RBFOX1: variants seen among roughly 807,000 people sequenced by gnomAD.
The protein encoded by RBFOX1 is RNA binding fox-1 homolog 1.
In RBFOX1, 8 loss-of-function variants were observed where a neutral mutation model predicts 57.7. The ratio of observed to expected loss-of-function variants is 0.14; its 90% confidence interval spans 0.08 to 0.25. The LOEUF is 0.25. RBFOX1 is among the 10% of genes least tolerant of loss of function. The pLI is 1.00. For missense variants in RBFOX1, 611 were observed against 548.5 expected (o/e 1.11, Z -1.14); for synonymous variants, 326 against 222.4 (o/e 1.47, Z -4.15).
chr16:6,761,865 C>T (rs367852604), intron 3 of RBFOX1, among the ~76,000 whole-genome samples: 1 of 152,018 alleles, frequency 6.6e-6, no homozygotes, highest in Non-Finnish European at 1.5e-5. Context: ...AACTACATCT[C>T]TCATTCCAAG....
At chr16:7,165,250 C>T (rs1444416196) in intron 4 of RBFOX1, among the ~76,000 whole-genome samples, 11 of 151,950 alleles carry the variant, frequency 7.2e-5, no homozygotes, top group South Asian at 2.1e-4. Flanking sequence ...TTGTGCATTG[C>T]TCCAAGATGC....
At chr16:7,234,342 A>G (rs1752364403) in intron 4 of RBFOX1, among the ~76,000 whole-genome samples, 2 of 152,126 alleles carry the variant, frequency 1.3e-5, no homozygotes, top group South Asian at 4.1e-4. Context: ...GTGAGTTGAG[A>G]TGAGGAATCT....
At chr16:7,445,214 G>A (rs1184888836) in intron 4 of RBFOX1, among the ~76,000 whole-genome samples, 1 of 152,090 alleles carries the variant, frequency 6.6e-6, no homozygotes, top group Non-Finnish European at 1.5e-5. Context: ...TAATATTACT[G>A]CTAGTATGAG....
In RBFOX1 at chr16:7,389,974, A is replaced by G. The variant is rs573794609; in HGVS notation, c.28-128173A>G. ...AAGGAAAGAGGTTTAATTGGCTCACAGTTCTGTGGGTTGTACAGGCTCTGC... is the reference window on the plus strand; with the variant it reads ...AAGGAAAGAGGTTTAATTGGCTCACGGTTCTGTGGGTTGTACAGGCTCTGC... On this transcript the variant is annotated intron_variant, in intron 4 of 15. Coordinates refer to ENST00000550418, the MANE Select transcript of RBFOX1 (RefSeq NM_018723.4). 6.6e-5 allele frequency among the ~76,000 whole-genome samples: 10 copies of G among 152,296 alleles called. No individual in the cohort carries two copies. The South Asian group carries it at 1.7e-3, about 25-fold the overall frequency.
intron 2 of RBFOX1, among the ~76,000 whole-genome samples, chr16:5,544,817 G>T (rs1344879125): frequency 1.3e-5 from 2 of 152,058 alleles, no homozygotes; most frequent in East Asian, 3.8e-4. Flanking sequence ...TTCCTTGGAA[G>T]ATATAAACTG....
At chr16:5,382,333 C>G (rs888911901) in intron 1 of RBFOX1, among the ~76,000 whole-genome samples, 4 of 151,838 alleles carry the variant, frequency 2.6e-5, no homozygotes, top group Non-Finnish European at 4.4e-5. Flanking sequence ...ACTATTCGGG[C>G]TGATATTATG....
intron 1 of RBFOX1, among the ~76,000 whole-genome samples, chr16:5,333,576 G>A (rs991851447): frequency 2.0e-5 from 3 of 152,184 alleles, no homozygotes; most frequent in African/African-American, 4.8e-5. Context: ...TACAGGGCCC[G>A]AGCTTCTCTC....
At chr16:6,984,178 C>T (rs954686987) in intron 3 of RBFOX1, among the ~76,000 whole-genome samples, 2 of 152,144 alleles carry the variant, frequency 1.3e-5, no homozygotes, top group African/African-American at 2.4e-5. Context: ...ACCCTGGAGG[C>T]AGAGGTTGCG....
intron 3 of RBFOX1, among the ~76,000 whole-genome samples, chr16:6,779,490 A>G (rs1010560817): frequency 2.0e-5 from 3 of 151,488 alleles, no homozygotes; most frequent in African/African-American, 7.3e-5. Flanking sequence ...CAGTGCACAT[A>G]TCTCTTCTAT....
chr16:5,392,444 T>A (rs1388104239), intron 1 of RBFOX1, among the ~76,000 whole-genome samples: 1 of 152,056 alleles, frequency 6.6e-6, no homozygotes, highest in African/African-American at 2.4e-5. Flanking sequence ...TTAGGCAGTG[T>A]AAAATTCTAA....
chr16:7,499,719 A>G (rs1314295071), intron 4 of RBFOX1, among the ~76,000 whole-genome samples: 2 of 152,102 alleles, frequency 1.3e-5, no homozygotes, highest in African/African-American at 2.4e-5. Flanking sequence ...TCACAACTCA[A>G]CATATATTAA....
At chr16:6,305,264 C>T (rs901843344) in intron 1 of RBFOX1, among the ~76,000 whole-genome samples, 1 of 152,168 alleles carries the variant, frequency 6.6e-6, no homozygotes, top group Non-Finnish European at 1.5e-5. Flanking sequence ...AGTGAGAACA[C>T]GTACCAATAC....
At chr16:5,516,907 C>G (rs1004094564) in intron 2 of RBFOX1, among the ~76,000 whole-genome samples, 3 of 152,104 alleles carry the variant, frequency 2.0e-5, no homozygotes, top group Admixed American at 6.6e-5. Context: ...GTCAATTAAA[C>G]CTTTTTTCTT....
At chr16:6,424,133 G>A (rs1458852045) in intron 2 of RBFOX1, among the ~76,000 whole-genome samples, 1 of 152,184 alleles carries the variant, frequency 6.6e-6, no homozygotes. Flanking sequence ...CAGCTACTCG[G>A]GAGGCTGAGG....
chr16:6,958,471 G>T (rs2082311319), intron 3 of RBFOX1, among the ~76,000 whole-genome samples: 1 of 152,116 alleles, frequency 6.6e-6, no homozygotes, highest in African/African-American at 2.4e-5. Flanking sequence ...GGGATAATTT[G>T]TGACACAAAA....
chr16:5,579,933 T>G (rs67959338), intron 2 of RBFOX1, among the ~76,000 whole-genome samples: 40,564 of 151,772 alleles, frequency 0.27, 6,078 homozygotes, highest in South Asian at 0.34. Flanking sequence ...CTAATTTTTT[T>G]CTTTTTTTTG....
intron 3 of RBFOX1, among the ~76,000 whole-genome samples, chr16:6,726,544 C>G (rs2067231511): frequency 2.0e-5 from 3 of 151,996 alleles, no homozygotes; most frequent in African/African-American, 7.3e-5. Flanking sequence ...TGTTCAGGTT[C>G]TTGTGAACAA....
chr16:7,118,522 C>G (rs1373175682), intron 4 of RBFOX1, among the ~76,000 whole-genome samples: 2 of 152,062 alleles, frequency 1.3e-5, no homozygotes, highest in African/African-American at 4.8e-5. Flanking sequence ...CAAGCCTTCC[C>G]CACTATACAA....
At chr16:7,484,629 A>T (rs1348483688) in intron 4 of RBFOX1, among the ~76,000 whole-genome samples, 1 of 152,130 alleles carries the variant, frequency 6.6e-6, no homozygotes, top group East Asian at 1.9e-4. Context: ...GAGCTGGCTA[A>T]TTTTTTGTAT....
Sources: allele counts gnomAD v4.1 joint callset (sites outside exome capture counted in the v4.1 genomes callset), GRCh38; gene constraint gnomAD v4.1.1; transcripts MANE v1.5; gene names NCBI Gene and HGNC (gene_info 2026-07-23, HGNC 2026-07-21).